Variants in GRIP1 observed in about 807,000 individuals in gnomAD.
GRIP1 encodes glutamate receptor interacting protein 1.
Under a neutral mutation model 129.9 loss-of-function variants are expected in GRIP1, and 45 were observed. The observed-to-expected ratio is 0.35, with a 90% CI of 0.27 to 0.44. GRIP1 has a LOEUF of 0.44. Ranked by LOEUF, GRIP1 falls within the 20% of genes least tolerant of loss-of-function variation. GRIP1 has a pLI of 1.00. For synonymous variants in GRIP1, 530 were observed against 520.8 expected, an observed-to-expected ratio of 1.02 and a Z score of -0.24; for missense variants, 1,196 against 1,396.8, an observed-to-expected ratio of 0.86 and a Z score of 2.29.
chr12:67,069,127 G>T (rs1592541372), exon 1 of GRIP1: 1 of 984,864 alleles, frequency 1.0e-6, no homozygotes, highest in Non-Finnish European at 1.2e-6. Flanking sequence ...CCCTGCGCTC[G>T]CTGTCGGGCT....
At chr12:67,007,013 G>A in intron 1 of GRIP1, among the ~76,000 whole-genome samples, 1 of 152,242 alleles carries the variant, frequency 6.6e-6, no homozygotes, top group African/African-American at 2.4e-5. Flanking sequence ...TATAACATAG[G>A]ATAATATACA....
intron 1 of GRIP1, among the ~76,000 whole-genome samples, chr12:66,835,110 G>C (rs911338054): frequency 2.0e-5 from 3 of 151,942 alleles, no homozygotes; most frequent in African/African-American, 7.3e-5. Flanking sequence ...AACATATAAA[G>C]AATTTTTAAA....
chr12:66,884,705 A>G (rs964736728), intron 1 of GRIP1, among the ~76,000 whole-genome samples: 3 of 152,226 alleles, frequency 2.0e-5, no homozygotes, highest in Non-Finnish European at 2.9e-5. Context: ...ATTACCCACA[A>G]ACAATTTCTT....
intron 1 of GRIP1, among the ~76,000 whole-genome samples, chr12:66,632,904 T>G (rs951987077): frequency 2.0e-5 from 3 of 152,200 alleles, no homozygotes; most frequent in Non-Finnish European, 4.4e-5. Context: ...GGATTGATTC[T>G]ATTTTATAAA....
intron 1 of GRIP1, among the ~76,000 whole-genome samples, chr12:66,696,857 TC>T (rs1321958099): frequency 6.7e-6 from 1 of 148,914 alleles, no homozygotes; most frequent in African/African-American, 2.5e-5. Flanking sequence ...GATTTTGTGA[TC>T]CAAGAGGGAT....
At chr12:67,068,831 T>C (rs1307478752) in intron 1 of GRIP1, among the ~76,000 whole-genome samples, 80 of 39,058 alleles carry the variant, frequency 2.0e-3, no homozygotes, top group Admixed American at 3.1e-3. Flanking sequence ...GCACCACCCC[T>C]CTCCCGCTGC....
intron 7 of GRIP1, among the ~76,000 whole-genome samples, chr12:66,506,835 G>A (rs922194059): frequency 6.6e-6 from 1 of 151,894 alleles, no homozygotes; most frequent in African/African-American, 2.4e-5. Flanking sequence ...ATGTAAAAGG[G>A]AATGAGGAAG....
At chr12:66,467,261 A>G (rs552148656) in intron 7 of GRIP1, among the ~76,000 whole-genome samples, 1 of 152,228 alleles carries the variant, frequency 6.6e-6, no homozygotes, top group South Asian at 2.1e-4. Flanking sequence ...TCCAGATCCT[A>G]TGGTTGATTT....
At chr12:66,939,841 C>A (rs2137441954) in intron 1 of GRIP1, among the ~76,000 whole-genome samples, 1 of 152,232 alleles carries the variant, frequency 6.6e-6, no homozygotes, top group Non-Finnish European at 1.5e-5. Context: ...AGTATACATT[C>A]TCCAATGTTA....
At chr12:66,356,101 T>C (rs2054478105) in intron 23 of GRIP1, among the ~76,000 whole-genome samples, 1 of 152,158 alleles carries the variant, frequency 6.6e-6, no homozygotes, top group African/African-American at 2.4e-5. Context: ...CCGGCCTATC[T>C]GTGGGCTGAG....
rs375438189 is a variant in GRIP1 at position 66,939,359 on chromosome 12, A to T, written c.58+129691T>A. On this transcript the variant is annotated intron_variant, in intron 1 of 1. Transcript: ENST00000643019. ...AAGACCCTGTCTCAAAAACAAAAAC[A>T]GTTAATCAACAAACATTTATTAGAG... Among the ~76,000 whole-genome samples, 56 of 152,228 alleles carry T rather than the reference A, an allele frequency of 3.7e-4. 1 individual carries two copies. Among genetic ancestry groups the T allele is most frequent in the African/African-American group, 1.2e-3 (49 of 41,556 alleles).
intron 1 of GRIP1, among the ~76,000 whole-genome samples, chr12:66,631,822 A>G (rs1440902259): frequency 9.2e-5 from 14 of 152,234 alleles, no homozygotes; most frequent in Admixed American, 9.2e-4. Flanking sequence ...AACGTGACAG[A>G]ACTAGAGCAG....
chr12:66,636,573 C>T (rs1008519151), intron 1 of GRIP1, among the ~76,000 whole-genome samples: 7 of 152,152 alleles, frequency 4.6e-5, no homozygotes, highest in Admixed American at 4.6e-4. Flanking sequence ...CTAACCTCCC[C>T]CTACCTTGAC....
At chr12:66,650,343 C>A (rs1239023136) in intron 1 of GRIP1, among the ~76,000 whole-genome samples, 3 of 152,114 alleles carry the variant, frequency 2.0e-5, no homozygotes, top group African/African-American at 7.2e-5. Flanking sequence ...ATCTTGTGAG[C>A]TTTTTCCAAA....
chr12:66,919,754 A>C (rs1676366647), intron 1 of GRIP1, among the ~76,000 whole-genome samples: 2 of 152,192 alleles, frequency 1.3e-5, no homozygotes, highest in Admixed American at 1.3e-4. Flanking sequence ...CACAATGTAT[A>C]ATATTCACTT....
intron 1 of GRIP1, among the ~76,000 whole-genome samples, chr12:66,896,111 G>C (rs1462236709): frequency 3.9e-5 from 6 of 152,212 alleles, no homozygotes; most frequent in Non-Finnish European, 8.8e-5. Context: ...TGTATTTAAA[G>C]TATAGCTAGA....
At chr12:66,614,563 A>C (rs2064955979) in intron 1 of GRIP1, among the ~76,000 whole-genome samples, 1 of 152,066 alleles carries the variant, frequency 6.6e-6, no homozygotes, top group African/African-American at 2.4e-5. Flanking sequence ...TCTTGCCTGC[A>C]CCATTCGAGA....
At chr12:66,809,100 T>C (rs2039053301), upstream of GRIP1, among the ~76,000 whole-genome samples, 1 of 152,236 alleles carries the variant, frequency 6.6e-6, no homozygotes, top group South Asian at 2.1e-4. Context: ...CAAGGGCAAA[T>C]ATATGTTAAC....
chr12:66,718,373 C>G (rs2035957435), intron 1 of GRIP1, among the ~76,000 whole-genome samples: 1 of 151,956 alleles, frequency 6.6e-6, no homozygotes, highest in Non-Finnish European at 1.5e-5. Flanking sequence ...GGTAATGTTT[C>G]TAACAATTTC....
Sources: allele counts gnomAD v4.1 joint callset (sites outside exome capture counted in the v4.1 genomes callset), GRCh38; gene constraint gnomAD v4.1.1; transcripts MANE v1.5; gene names NCBI Gene and HGNC (gene_info 2026-07-23, HGNC 2026-07-21).